Variants in JMJD1C observed in about 807,000 individuals in gnomAD.
JMJD1C encodes jumonji domain-containing protein 1C.
A neutral mutation model predicts 245.3 loss-of-function variants in JMJD1C; 31 were observed. The observed-to-expected ratio is 0.13, with a 90% CI of 0.09 to 0.17. The LOEUF (loss-of-function observed/expected upper bound fraction) is 0.17. JMJD1C is among the 10% of genes least tolerant of loss of function. The pLI, the probability that JMJD1C is intolerant of heterozygous loss-of-function variation, is 1.00. For missense variants in JMJD1C, 2,691 were observed against 3,000.2 expected, an observed-to-expected ratio of 0.90 and a Z score of 2.41; for synonymous variants, 1,057 against 1,017.4, an observed-to-expected ratio of 1.04 and a Z score of -0.74.
intron 3 of JMJD1C, among the ~76,000 whole-genome samples, chr10:63,251,109 G>T (rs1185092094): frequency 6.6e-6 from 1 of 152,114 alleles, no homozygotes; most frequent in Non-Finnish European, 1.5e-5. Context: ...GATGTTTTGG[G>T]CCTTTTGGCT....
chr10:63,268,685 T>C, intron 2 of JMJD1C: 1 of 978,790 alleles, frequency 1.0e-6, no homozygotes, highest in Non-Finnish European at 1.2e-6. Flanking sequence ...AATTTTAAAG[T>C]ATCTTTAAAT....
chr10:63,484,962 C>T (rs1344565707), intron 1 of JMJD1C, among the ~76,000 whole-genome samples: 1 of 151,418 alleles, frequency 6.6e-6, no homozygotes, highest in African/African-American at 2.4e-5. Context: ...TCTCCCCTCC[C>T]CTAATTCACT....
intron 2 of JMJD1C, among the ~76,000 whole-genome samples, chr10:63,344,392 T>A (rs1186562926): frequency 6.6e-6 from 1 of 152,164 alleles, no homozygotes; most frequent in African/African-American, 2.4e-5. Flanking sequence ...AGGCAAACCA[T>A]CTTGGTTTGT....
At chr10:63,168,256 G>A (rs1238763876) in intron 25 of JMJD1C, 122 bp from the exon 26 acceptor site, 1 of 1,008,330 alleles carries the variant, frequency 9.9e-7, no homozygotes, top group Admixed American at 2.4e-5. Context: ...AAAAATGTTT[G>A]AAAGTGTTAA....
intron 2 of JMJD1C, among the ~76,000 whole-genome samples, chr10:63,293,490 A>G (rs1045942995): frequency 6.6e-6 from 1 of 152,178 alleles, no homozygotes; most frequent in Admixed American, 6.6e-5. Context: ...AAATATAAAT[A>G]TGTAATATTT....
chr10:63,491,719 G>C (rs190405402), intron 1 of JMJD1C, among the ~76,000 whole-genome samples: 5 of 152,246 alleles, frequency 3.3e-5, no homozygotes, highest in Non-Finnish European at 7.4e-5. Context: ...ATCCCTCCTA[G>C]TTCTTCCCAT....
chr10:63,500,984 C>A (rs1380167222), intron 1 of JMJD1C, among the ~76,000 whole-genome samples: 2 of 151,662 alleles, frequency 1.3e-5, no homozygotes, highest in Middle Eastern at 3.4e-3. Context: ...AATTATAACA[C>A]GAACTACTAC....
chr10:63,394,800 C>T (rs958782166), intron 1 of JMJD1C, among the ~76,000 whole-genome samples: 5 of 149,906 alleles, frequency 3.3e-5, no homozygotes, highest in Middle Eastern at 3.4e-3. Context: ...GCGGAGATCA[C>T]GCCATTGCAC....
chr10:63,503,082 C>T (rs1954611141), intron 1 of JMJD1C, among the ~76,000 whole-genome samples: 1 of 152,128 alleles, frequency 6.6e-6, no homozygotes, highest in Admixed American at 6.5e-5. Context: ...AAGCTTAGCC[C>T]TTAAGTGACA....
chr10:63,207,632 G>C lies in JMJD1C; in HGVS notation c.4037C>G (p.Ala1346Gly). ...GAHKTDCLKL[A>G]EAGETGRIIL... ...GATTCTTCCAGTTTCTCCGGCTTCT[G>C]CTAGTTTGAGGCAATCTGTTTTATG... The change falls in exon 10 of 26, where the codon GCA becomes GGA. Residue 1346 changes from alanine to glycine, a missense_variant. Physicochemically the swap from Ala to Gly is moderately conservative, Grantham distance 60 (BLOSUM62 0). Around this residue, in one of 9 missense-constraint regions of JMJD1C, gnomAD observed 1,562 missense variants for 1,490.7 expected, o/e 1.05. Transcript: ENST00000399262. 3 of 1,614,108 alleles carry C rather than the reference G, an allele frequency of 1.9e-6. No individual in the cohort carries two copies. The highest frequency in any genetic ancestry group is 2.5e-6 in the Non-Finnish European group (3 of 1,180,026).
In JMJD1C at chr10:63,381,486, C is replaced by T. The variant is rs184228138; in HGVS notation, c.169-1004G>A. ...TATGATAGCTACAGTGAGCTATGATCGCACCACTGCACTGCAGCCCAGGTG... is the reference window on the plus strand; with the variant it reads ...TATGATAGCTACAGTGAGCTATGATTGCACCACTGCACTGCAGCCCAGGTG... On this transcript the variant is annotated intron_variant, in intron 1 of 25. Transcript: ENST00000399262. 1.0e-3 allele frequency among the ~76,000 whole-genome samples: 152 copies of T among 152,212 alleles called. No homozygotes were observed. The Middle Eastern group carries it at 0.017, about 17-fold the overall frequency.
chr10:63,223,213 CTG>C (rs1457447783), intron 3 of JMJD1C, among the ~76,000 whole-genome samples: 1 of 139,370 alleles, frequency 7.2e-6, no homozygotes, highest in Non-Finnish European at 1.5e-5. Context: ...GAATTATAAA[CTG>C]TTTTTTCTGT....
chr10:63,383,361 G>T (rs913013020), intron 1 of JMJD1C, among the ~76,000 whole-genome samples: 1 of 152,126 alleles, frequency 6.6e-6, no homozygotes, highest in African/African-American at 2.4e-5. Context: ...AGTCAAGGAA[G>T]AAATCCAAGT....
At chr10:63,261,334 C>G (rs556369690) in intron 3 of JMJD1C, among the ~76,000 whole-genome samples, 6 of 152,246 alleles carry the variant, frequency 3.9e-5, no homozygotes, top group Non-Finnish European at 8.8e-5. Flanking sequence ...ATTCTCAGTA[C>G]TTTTGGAGGC....
At chr10:63,344,197 G>A (rs1048569315) in intron 2 of JMJD1C, among the ~76,000 whole-genome samples, 13 of 152,076 alleles carry the variant, frequency 8.5e-5, no homozygotes, top group African/African-American at 3.1e-4. Context: ...CTCCATTCAT[G>A]GTAAGTAACC....
At chr10:63,500,746 A>AGGAT (rs780486083) in intron 1 of JMJD1C, among the ~76,000 whole-genome samples, 14,947 of 111,894 alleles carry the variant, frequency 0.13, 1,041 homozygotes, top group African/African-American at 0.21. Context: ...GATGGATGGA[A>AGGAT]GGATGGATGG....
intron 2 of JMJD1C, among the ~76,000 whole-genome samples, chr10:63,358,031 C>G (rs1945011779): frequency 6.6e-6 from 1 of 151,508 alleles, no homozygotes; most frequent in South Asian, 2.1e-4. Context: ...GAATCAACAC[C>G]CTTCATATTT....
At chr10:63,452,492 T>C (rs1464669830) in intron 1 of JMJD1C, among the ~76,000 whole-genome samples, 2 of 152,196 alleles carry the variant, frequency 1.3e-5, no homozygotes, top group Non-Finnish European at 2.9e-5. Flanking sequence ...GTTGAGAACA[T>C]ATAATGGTGC....
chr10:63,173,413 C>G (rs746974241), intron 24 of JMJD1C, among the ~76,000 whole-genome samples: 1 of 152,170 alleles, frequency 6.6e-6, no homozygotes, highest in Non-Finnish European at 1.5e-5. Context: ...AACTGATCAA[C>G]TGGACCTCAT....
Sources: allele counts gnomAD v4.1 joint callset (sites outside exome capture counted in the v4.1 genomes callset), GRCh38; gene constraint gnomAD v4.1.1; regional missense constraint gnomAD v4.1.1; transcripts MANE v1.5; gene names NCBI Gene and HGNC (gene_info 2026-07-23, HGNC 2026-07-21).